The following ZBTB20 variants were observed in gnomAD, a reference collection of about 807,000 sequenced individuals.
ZBTB20 encodes zinc finger and BTB domain containing 20.
A neutral mutation model predicts 56.9 loss-of-function variants in ZBTB20; 9 were observed. The ratio of observed to expected loss-of-function variants is 0.16; its 90% CI spans 0.10 to 0.28. The LOEUF (loss-of-function observed/expected upper bound fraction) is 0.28. ZBTB20 is among the 10% of genes least tolerant of loss of function. The pLI is 1.00. For missense variants in ZBTB20, 655 were observed against 1,003.0 expected, an observed-to-expected ratio of 0.65 and a Z score of 4.69; for synonymous variants, 417 against 420.7, an observed-to-expected ratio of 0.99 and a Z score of 0.11.
intron 6 of ZBTB20, among the ~76,000 whole-genome samples, chr3:114,596,725 C>T (rs753280142): frequency 6.6e-6 from 1 of 151,930 alleles, no homozygotes; most frequent in Non-Finnish European, 1.5e-5. Context: ...AGAGGAAGAG[C>T]AAGAGGAGAG....
chr3:114,917,558 G>T (rs1407029332), intron 3 of ZBTB20, among the ~76,000 whole-genome samples: 1 of 152,130 alleles, frequency 6.6e-6, no homozygotes, highest in African/African-American at 2.4e-5. Context: ...TAAATTTTTG[G>T]TCAATGCAGC....
At chr3:115,035,305 G>C (rs187832387) in intron 2 of ZBTB20, among the ~76,000 whole-genome samples, 141 of 152,154 alleles carry the variant, frequency 9.3e-4, no homozygotes, top group Middle Eastern at 3.4e-3. Flanking sequence ...GAACATGTTT[G>C]CAAGTCTCAT....
chr3:114,514,335 A>T (rs1361893371), intron 6 of ZBTB20, among the ~76,000 whole-genome samples: 1 of 152,146 alleles, frequency 6.6e-6, no homozygotes, highest in Non-Finnish European at 1.5e-5. Flanking sequence ...CTTGTATATT[A>T]TGTTCATCTC....
At chr3:114,506,366 C>A (rs2044612320) in intron 6 of ZBTB20, among the ~76,000 whole-genome samples, 4 of 152,096 alleles carry the variant, frequency 2.6e-5, no homozygotes, top group Non-Finnish European at 4.4e-5. Flanking sequence ...TGCCAAGATA[C>A]AATGTAACAC....
At chr3:114,556,457 G>A (rs949992825) in intron 6 of ZBTB20, among the ~76,000 whole-genome samples, 1 of 149,686 alleles carries the variant, frequency 6.7e-6, no homozygotes, top group Non-Finnish European at 1.5e-5. Flanking sequence ...CCTTCAGGAT[G>A]TAGCATCCAT....
Position 114,338,848 on chromosome 3 carries a change from GTTC to G in ZBTB20, c.*154_*156del, listed in dbSNP as rs1431247088. The G allele has an allele frequency of 6.1e-6, 5 of 816,264 alleles. No homozygotes were observed. The highest frequency in any genetic ancestry group is 7.1e-6 in the Non-Finnish European group (4 of 562,894). 50.6% of individuals were successfully genotyped at this position (816,264 alleles called of 1,614,324 possible). A position where few individuals can be genotyped will look rare whatever the true frequency, so the allele number is the denominator to read the frequency against. On this transcript the variant is annotated 3_prime_UTR_variant, in exon 12 of 12. Coordinates refer to ENST00000675478, the MANE Select transcript of ZBTB20 (RefSeq NM_001348800.3). ...GTAATGTACCAGCAGGCAAAAAACA[GTTC>G]TTCATGTAGTACAAAATGAAACGAA...
chr3:115,123,184 A>G (rs2084231322), intron 1 of ZBTB20, among the ~76,000 whole-genome samples: 1 of 152,168 alleles, frequency 6.6e-6, no homozygotes, highest in Non-Finnish European at 1.5e-5. Flanking sequence ...GATGAGAAAT[A>G]TTAGGACTCT....
chr3:114,367,994 C>T (rs532310508), intron 10 of ZBTB20, among the ~76,000 whole-genome samples: 1 of 152,264 alleles, frequency 6.6e-6, no homozygotes, highest in South Asian at 2.1e-4. Flanking sequence ...TGGGGACCTG[C>T]AACAACTTTC....
intron 2 of ZBTB20, among the ~76,000 whole-genome samples, chr3:115,009,731 T>A (rs1271561164): frequency 6.6e-6 from 1 of 151,950 alleles, no homozygotes; most frequent in Non-Finnish European, 1.5e-5. Flanking sequence ...AGCTTTGTTA[T>A]AAAAGCAAGT....
At chr3:114,837,438 C>A (rs758449583) in intron 4 of ZBTB20, among the ~76,000 whole-genome samples, 3 of 152,092 alleles carry the variant, frequency 2.0e-5, no homozygotes, top group African/African-American at 7.2e-5. Flanking sequence ...AATCTGGGCT[C>A]AGTATAGGTA....
chr3:114,891,906 G>T (rs184239017), intron 4 of ZBTB20, among the ~76,000 whole-genome samples: 28 of 152,176 alleles, frequency 1.8e-4, no homozygotes, highest in African/African-American at 6.5e-4. Context: ...AACTAGACGG[G>T]TGTGGTGGCG....
intron 5 of ZBTB20, among the ~76,000 whole-genome samples, chr3:114,728,895 T>G (rs916212111): frequency 6.6e-6 from 1 of 152,114 alleles, no homozygotes; most frequent in African/African-American, 2.4e-5. Context: ...TTTTGAGAAG[T>G]GTCTTTTCAT....
intron 1 of ZBTB20, among the ~76,000 whole-genome samples, chr3:115,133,980 C>G (rs931661572): frequency 6.6e-5 from 10 of 152,164 alleles, no homozygotes; most frequent in African/African-American, 1.4e-4. Flanking sequence ...TCCAAAGAAC[C>G]AGCCTTTAGA....
chr3:114,454,821 C>T (rs1464813787), intron 7 of ZBTB20: 1 of 151,802 alleles, frequency 6.6e-6, no homozygotes, highest in Non-Finnish European at 1.5e-5. Flanking sequence ...TCTGAGTGGT[C>T]TATTGATAAG....
chr3:114,708,376 T>C (rs2063842795), intron 5 of ZBTB20, among the ~76,000 whole-genome samples: 1 of 152,088 alleles, frequency 6.6e-6, no homozygotes, highest in Admixed American at 6.6e-5. Flanking sequence ...CAAAATGCTC[T>C]GGAGGGCATC....
At chr3:114,472,721 A>G (rs1576950688) in intron 7 of ZBTB20, among the ~76,000 whole-genome samples, 4 of 152,198 alleles carry the variant, frequency 2.6e-5, no homozygotes, top group East Asian at 3.9e-4. Flanking sequence ...AAGAAAAAAA[A>G]AAAAGATACC....
intron 5 of ZBTB20, among the ~76,000 whole-genome samples, chr3:114,759,795 A>G (rs144795463): frequency 3.3e-4 from 51 of 152,246 alleles, no homozygotes; most frequent in African/African-American, 1.2e-3. Context: ...TATGCTACAC[A>G]CTGTATTAAA....
At chr3:115,145,705 T>C (rs2084943244) in intron 1 of ZBTB20, among the ~76,000 whole-genome samples, 1 of 152,202 alleles carries the variant, frequency 6.6e-6, no homozygotes, top group Non-Finnish European at 1.5e-5. Flanking sequence ...GAGGGGGATC[T>C]ATATAAATAT....
chr3:114,591,676 C>A (rs994988952), intron 6 of ZBTB20, among the ~76,000 whole-genome samples: 1 of 152,156 alleles, frequency 6.6e-6, no homozygotes, highest in South Asian at 2.1e-4. Context: ...GGATGAAATG[C>A]CACTTTTGAG....
Sources: gnomAD v4.1 joint callset for allele counts (sites outside exome capture counted in the v4.1 genomes callset) on GRCh38, gnomAD v4.1.1 for gene constraint, MANE v1.5 for transcripts, NCBI Gene and HGNC (gene_info 2026-07-23, HGNC 2026-07-21) for gene names.